WNT2: variants seen among roughly 807,000 people sequenced by gnomAD.
The protein encoded by WNT2 is Wnt family member 2.
Under a neutral mutation model 36.9 loss-of-function variants are expected in WNT2, and 12 were observed. The ratio of observed to expected loss-of-function variants is 0.33; its 90% CI spans 0.21 to 0.53. The LOEUF is 0.53. Ranked by LOEUF, WNT2 falls within the 20% of genes least tolerant of loss-of-function variation. The pLI, the probability that WNT2 is intolerant of heterozygous loss-of-function variation, is 0.95. For missense variants in WNT2, 379 were observed against 473.1 expected (o/e 0.80, Z 1.84); for synonymous variants, 163 against 174.6 (o/e 0.93, Z 0.52).
chr7:117,277,935 A>G lies in WNT2; in HGVS notation c.*220T>C. ...AGAGAACTCGCCAGGAGGGGAGATG[A>G]CTGCAGAACACCAGGAGATGGATAG... On this transcript the variant is annotated 3_prime_UTR_variant, in exon 5 of 5. Transcript: ENST00000265441. 1 of 575,812 alleles carries G rather than the reference A, an allele frequency of 1.7e-6. No individual in the cohort carries two copies. Among genetic ancestry groups the G allele is most frequent in the Non-Finnish European group, 3.1e-6 (1 of 323,486 alleles). The allele number at this position is 575,812 out of a possible 1,614,324, so 35.7% of individuals were successfully genotyped here. A position where few individuals can be genotyped will look rare whatever the true frequency, so the allele number is the denominator to read the frequency against.
intron 3 of WNT2, among the ~76,000 whole-genome samples, chr7:117,300,334 G>A (rs1040546727): frequency 8.5e-5 from 13 of 152,096 alleles, no homozygotes; most frequent in Admixed American, 2.0e-4. Flanking sequence ...CTACAGGCGC[G>A]GGTCACCACG....
At chr7:117,306,780 A>G (rs1166836331) in intron 3 of WNT2, among the ~76,000 whole-genome samples, 1 of 152,166 alleles carries the variant, frequency 6.6e-6, no homozygotes, top group East Asian at 1.9e-4. Context: ...GTCAATAAAT[A>G]CTTGTTCATG....
intron 3 of WNT2, among the ~76,000 whole-genome samples, chr7:117,304,877 C>T (rs1478853040): frequency 6.6e-6 from 1 of 152,192 alleles, no homozygotes; most frequent in Non-Finnish European, 1.5e-5. Context: ...GAGTAACAGT[C>T]CTGGCTCTTT....
chr7:117,315,167 C>A lies in WNT2; in HGVS notation c.492G>T (p.Gly164=), dbSNP rs768035585. The A allele has an allele frequency of 4.3e-6, 7 of 1,614,174 alleles. No homozygotes were observed. The highest frequency in any genetic ancestry group is 2.2e-5 in the East Asian group (1 of 44,882). ...CCACAAATGCGCGGGCAAATTTGATCCCATAGTCAATGTTATCACTGCAGC... is the reference window on the plus strand; with the variant it reads ...CCACAAATGCGCGGGCAAATTTGATACCATAGTCAATGTTATCACTGCAGC... ...WGGCSDNIDY[G]IKFARAFVDA... The change falls in exon 3 of 5, where the codon GGG becomes GGT. Residue 164 remains glycine, a synonymous_variant. Transcript: ENST00000265441.
chr7:117,304,048 A>T (rs1002365906), intron 3 of WNT2, among the ~76,000 whole-genome samples: 1 of 152,114 alleles, frequency 6.6e-6, no homozygotes, highest in African/African-American at 2.4e-5. Flanking sequence ...CTTTTGATGT[A>T]TTCCTCCTTT....
chr7:117,296,583 A>C (rs1197878029), intron 4 of WNT2, among the ~76,000 whole-genome samples: 1 of 151,836 alleles, frequency 6.6e-6, no homozygotes, highest in African/African-American at 2.4e-5. Flanking sequence ...TGGGCTGTGG[A>C]CTCCCATCAC....
At chr7:117,279,260 C>T (rs1284640484) in intron 4 of WNT2, among the ~76,000 whole-genome samples, 1 of 152,206 alleles carries the variant, frequency 6.6e-6, no homozygotes, top group Non-Finnish European at 1.5e-5. Flanking sequence ...TTTATAAGCA[C>T]ATTATCAGAC....
chr7:117,290,372 G>A (rs1794667355), intron 4 of WNT2, among the ~76,000 whole-genome samples: 1 of 152,184 alleles, frequency 6.6e-6, no homozygotes, highest in South Asian at 2.1e-4. Context: ...TTTTGGGAAG[G>A]AGGGAAAGGC....
intron 4 of WNT2, 131 bp from the exon 5 acceptor site, chr7:117,278,515 A>C: frequency 1.1e-6 from 1 of 875,682 alleles, no homozygotes; most frequent in Non-Finnish European, 1.7e-6. Flanking sequence ...TGGGGCTGTT[A>C]TACTCGTTCT....
chr7:117,319,916 T>C (rs1271808588), intron 2 of WNT2, among the ~76,000 whole-genome samples: 1 of 152,206 alleles, frequency 6.6e-6, no homozygotes, highest in Admixed American at 6.5e-5. Flanking sequence ...TATCCACTCA[T>C]TCATCATAAT....
chr7:117,296,473 C>A (rs1794792385), intron 4 of WNT2, among the ~76,000 whole-genome samples: 1 of 152,070 alleles, frequency 6.6e-6, no homozygotes, highest in Admixed American at 6.6e-5. Context: ...TTATTGGTGC[C>A]TCTGCAATTA....
chr7:117,315,241 T>A lies in WNT2; in HGVS notation c.418A>T (p.Lys140Ter). ...CTGTCCTTGGCGCTTCCCATCTTCT[T>A]TGGATCACAGGAACAGGATTTTACT... Reference protein sequence around the residue: ...GEVKSCSCDPKKMGSAKDSKG... With the variant: ...GEVKSCSCDP Residue 140 changes from lysine (K) to a stop codon, truncating the protein, a stop_gained, in exon 3 of 5, where the codon AAG becomes TAG. Transcript: ENST00000265441. LOFTEE classifies it high-confidence loss of function. The A allele has an allele frequency of 6.2e-7, 1 of 1,614,178 alleles. No homozygotes were observed. The highest frequency in any genetic ancestry group is 8.5e-7 in the Non-Finnish European group (1 of 1,180,012).
intron 4 of WNT2, among the ~76,000 whole-genome samples, chr7:117,280,477 G>T (rs762545978): frequency 6.6e-6 from 1 of 152,138 alleles, no homozygotes; most frequent in Non-Finnish European, 1.5e-5. Context: ...TCTATATGGC[G>T]CAGAGTTAAA....
chr7:117,316,726 AC>A (rs1001669513), intron 2 of WNT2, among the ~76,000 whole-genome samples: 2 of 152,150 alleles, frequency 1.3e-5, no homozygotes, highest in African/African-American at 4.8e-5. Context: ...CAAACCTCTA[AC>A]CATCAAAAAA....
chr7:117,315,066 C>T lies in WNT2; in HGVS notation c.588+5G>A. 2 of 1,613,612 alleles carry T rather than the reference C, an allele frequency of 1.2e-6. No homozygotes were observed. Among genetic ancestry groups the T allele is most frequent in the African/African-American group, 2.7e-5 (2 of 75,022 alleles). ...TACAAAATGAGCACCGTTGCATTTC[C>T]ATACCTTCCTGCCAGCTCTGTTGTT... On this transcript the variant is annotated splice_donor_5th_base_variant and intron_variant, in intron 3 of 4. Transcript: ENST00000265441.
chr7:117,298,841 C>CA (rs1794845891), intron 3 of WNT2, among the ~76,000 whole-genome samples: 1 of 152,210 alleles, frequency 6.6e-6, no homozygotes, highest in Admixed American at 6.5e-5. Flanking sequence ...TACTGCTCTT[C>CA]CCATTTTATA....
intron 2 of WNT2, 56 bp downstream of exon 2, chr7:117,320,511 G>A (rs1391664916): frequency 6.7e-7 from 1 of 1,503,636 alleles, no homozygotes; most frequent in Non-Finnish European, 9.1e-7. Context: ...AAGATGGAGT[G>A]AGGGAGCTGT....
chr7:117,291,054 G>T (rs188886811), intron 4 of WNT2, among the ~76,000 whole-genome samples: 222 of 152,280 alleles, frequency 1.5e-3, no homozygotes, highest in African/African-American at 5.1e-3. Context: ...ATGAGCTTCT[G>T]CAAAGTAGGC....
chr7:117,320,398 T>A (rs1164633859), intron 2 of WNT2, 169 bp downstream of exon 2: 2 of 662,400 alleles, frequency 3.0e-6, no homozygotes, highest in African/African-American at 3.6e-5. Context: ...CTAGACATGT[T>A]CCTTGATTTC....
Sources: gnomAD v4.1 joint callset for allele counts (sites outside exome capture counted in the v4.1 genomes callset) on GRCh38, gnomAD v4.1.1 for gene constraint, MANE v1.5 for transcripts, NCBI Gene and HGNC (gene_info 2026-07-23, HGNC 2026-07-21) for gene names.